SCLT1: variants seen among roughly 807,000 people sequenced by gnomAD.
SCLT1 encodes the protein sodium channel and clathrin linker 1.
SCLT1 carries 78 observed loss-of-function variants against 112.8 expected under a neutral mutation model. That is an observed-to-expected ratio of 0.69 (90% CI 0.58 to 0.83). The LOEUF is 0.83. SCLT1 is among the 40% of genes least tolerant of loss of function. The pLI is 0.00. For synonymous variants in SCLT1, 257 were observed against 254.7 expected (o/e 1.01, Z -0.09); for missense variants, 747 against 770.4 (o/e 0.97, Z 0.36).
In SCLT1 at chr4:128,927,737, C is replaced by T. The variant is rs77973084; in HGVS notation, c.1829+8918G>A. Among the ~76,000 whole-genome samples, 5 of 151,408 alleles carry T rather than the reference C, an allele frequency of 3.3e-5. No individual in the cohort carries two copies. In the East Asian group the frequency reaches 9.7e-4, roughly 29 times the overall value. Reference sequence around the variant, plus strand: ...TATTTCAAGAAGTAAGAAAAAAGAACAGCAACATGAAAGAAAGGAGAGGGG... The same window carrying T: ...TATTTCAAGAAGTAAGAAAAAAGAATAGCAACATGAAAGAAAGGAGAGGGG... On this transcript the variant is annotated intron_variant, in intron 18 of 20. Transcript: ENST00000281142.
chr4:128,993,390 T>C (rs1271993998), intron 8 of SCLT1, among the ~76,000 whole-genome samples: 1 of 152,078 alleles, frequency 6.6e-6, no homozygotes, highest in Admixed American at 6.6e-5. Flanking sequence ...TTATTATATA[T>C]ACTGCCTTGG....
At chr4:128,979,736 T>G (rs1161331546) in intron 9 of SCLT1, among the ~76,000 whole-genome samples, 1 of 152,162 alleles carries the variant, frequency 6.6e-6, no homozygotes, top group Non-Finnish European at 1.5e-5. Flanking sequence ...CAAAAGAAAG[T>G]TATAAACATC....
At position 128,952,772 on chromosome 4, in the gene SCLT1, T is replaced by C. The variant is rs1738867498; in HGVS notation, c.1215A>G (p.Gln405=). The C allele has an allele frequency of 6.6e-7, 1 of 1,525,952 alleles. No individual in the cohort carries two copies. Among genetic ancestry groups the C allele is most frequent in the Middle Eastern group, 1.7e-4 (1 of 5,868 alleles). 94.5% of individuals were successfully genotyped at this position (1,525,952 alleles called of 1,614,324 possible). Residue 405 remains glutamine, a synonymous_variant, in exon 14 of 21, where the codon CAA becomes CAG. Transcript: ENST00000281142. ...SRLTEELSAL[Q]MECAEKQGQI... ...ATATCAGTATAGTCAAACATACCAT[T>C]TGAAGGGCTGAAAGTTCTTCTGTTA...
intron 9 of SCLT1, among the ~76,000 whole-genome samples, chr4:128,986,618 G>A (rs1742118877): frequency 6.6e-6 from 1 of 152,140 alleles, no homozygotes; most frequent in Non-Finnish European, 1.5e-5. Context: ...ACTTGAGGAC[G>A]AGCTCAGCCA....
chr4:129,034,384 TATA>T (rs1276557475), intron 5 of SCLT1, among the ~76,000 whole-genome samples: 3 of 151,862 alleles, frequency 2.0e-5, no homozygotes, highest in Non-Finnish European at 4.4e-5. Context: ...AATTCCATTG[TATA>T]ATGTTATTTA....
chr4:128,988,529 G>C (rs1742293789), intron 9 of SCLT1, among the ~76,000 whole-genome samples: 2 of 151,738 alleles, frequency 1.3e-5, no homozygotes, highest in South Asian at 4.1e-4. Flanking sequence ...TACTACAAGA[G>C]AAAGTCACTT....
chr4:129,085,174 GA>G (rs1190105882), intron 1 of SCLT1, among the ~76,000 whole-genome samples: 2 of 151,828 alleles, frequency 1.3e-5, no homozygotes, highest in African/African-American at 2.4e-5. Context: ...AAATTTACAA[GA>G]AAAAAATCCC....
At chr4:129,040,842 A>T (rs78058128) in intron 4 of SCLT1, among the ~76,000 whole-genome samples, 46 of 152,246 alleles carry the variant, frequency 3.0e-4, no homozygotes, top group African/African-American at 1.0e-3. Context: ...TTAGCTGTCA[A>T]CATTTTTTTT....
intron 9 of SCLT1, among the ~76,000 whole-genome samples, chr4:128,973,494 G>A (rs4394010): frequency 0.27 from 41,197 of 149,896 alleles, 7,578 homozygotes; most frequent in African/African-American, 0.52. Flanking sequence ...GAGAGGGAGA[G>A]GGAAAGAGAG....
At chr4:129,066,115 A>G (rs1045001019) in intron 2 of SCLT1, among the ~76,000 whole-genome samples, 1 of 152,064 alleles carries the variant, frequency 6.6e-6, no homozygotes, top group African/African-American at 2.4e-5. Flanking sequence ...CTAGTGAGGA[A>G]CTTCTTAAGA....
At chr4:128,910,893 T>C (rs890110983) in intron 18 of SCLT1, among the ~76,000 whole-genome samples, 3 of 152,190 alleles carry the variant, frequency 2.0e-5, no homozygotes, top group African/African-American at 7.2e-5. Flanking sequence ...GTGCCAATAC[T>C]GTTTTATGTA....
intron 5 of SCLT1, among the ~76,000 whole-genome samples, chr4:129,026,136 A>T (rs1746048280): frequency 6.6e-6 from 1 of 152,198 alleles, no homozygotes; most frequent in Non-Finnish European, 1.5e-5. Context: ...CATTAGACAG[A>T]TCAACGAGAC....
intron 2 of SCLT1, among the ~76,000 whole-genome samples, chr4:129,070,859 G>C (rs1750943259): frequency 6.6e-6 from 1 of 152,046 alleles, no homozygotes; most frequent in Non-Finnish European, 1.5e-5. Context: ...CTTGAGGTGT[G>C]ACCTTGGAAT....
At chr4:129,081,721 G>A (rs1221310749) in intron 2 of SCLT1, among the ~76,000 whole-genome samples, 1 of 152,128 alleles carries the variant, frequency 6.6e-6, no homozygotes, top group Non-Finnish European at 1.5e-5. Flanking sequence ...AGATTTGGGC[G>A]GGGACACAGA....
chr4:128,900,098 G>A (rs318530), intron 18 of SCLT1, among the ~76,000 whole-genome samples: 110,415 of 151,972 alleles, frequency 0.73, 40,430 homozygotes, highest in African/African-American at 0.82. Flanking sequence ...TGGCCATACT[G>A]CCCAAGGTAA....
chr4:128,885,796 G>A (rs1732850824), intron 20 of SCLT1, among the ~76,000 whole-genome samples: 1 of 152,178 alleles, frequency 6.6e-6, no homozygotes, highest in South Asian at 2.1e-4. Flanking sequence ...CCAGCACAAT[G>A]CATTTCCAAA....
chr4:128,967,476 G>T (rs1452361816), intron 10 of SCLT1, among the ~76,000 whole-genome samples: 1 of 152,222 alleles, frequency 6.6e-6, no homozygotes, highest in Non-Finnish European at 1.5e-5. Context: ...CCCACCAGCA[G>T]TGGATAAACA....
intron 8 of SCLT1, among the ~76,000 whole-genome samples, chr4:128,994,071 A>T (rs1742802126): frequency 6.6e-6 from 1 of 152,084 alleles, no homozygotes; most frequent in Non-Finnish European, 1.5e-5. Context: ...AACATGTTTA[A>T]GTGTACAATA....
At chr4:128,996,093 G>A (rs1742996484) in intron 8 of SCLT1, among the ~76,000 whole-genome samples, 1 of 152,034 alleles carries the variant, frequency 6.6e-6, no homozygotes, top group African/African-American at 2.4e-5. Flanking sequence ...GGGTGAAGCT[G>A]GGAGCTAAGG....
Sources: allele counts gnomAD v4.1 joint callset (sites outside exome capture counted in the v4.1 genomes callset), GRCh38; gene constraint gnomAD v4.1.1; transcripts MANE v1.5; gene names NCBI Gene and HGNC (gene_info 2026-07-23, HGNC 2026-07-21).